Variants in NCOA2 observed in about 807,000 individuals in gnomAD.
NCOA2 encodes nuclear receptor coactivator 2, also known as class E basic helix-loop-helix protein 75.
Under a neutral mutation model 145.1 loss-of-function variants are expected in NCOA2, and 21 were observed. That is an observed-to-expected ratio of 0.14 (90% CI 0.10 to 0.21). The LOEUF is 0.21. NCOA2 is among the 10% of genes least tolerant of loss of function. The pLI, the probability that NCOA2 is intolerant of heterozygous loss-of-function variation, is 1.00. For missense variants in NCOA2, 1,472 were observed against 1,837.6 expected, an observed-to-expected ratio of 0.80 and a Z score of 3.64; for synonymous variants, 619 against 637.5, an observed-to-expected ratio of 0.97 and a Z score of 0.44.
chr8:70,332,538 A>G (rs1325153180), intron 1 of NCOA2, among the ~76,000 whole-genome samples: 1 of 152,182 alleles, frequency 6.6e-6, no homozygotes, highest in Non-Finnish European at 1.5e-5. Context: ...TGACTATTTT[A>G]GTCATAAATT....
intron 2 of NCOA2, among the ~76,000 whole-genome samples, chr8:70,233,158 G>A (rs1821297005): frequency 1.3e-5 from 2 of 151,900 alleles, no homozygotes; most frequent in Middle Eastern, 6.8e-3. Context: ...CCCAGGAGGC[G>A]GAGGTTGCAG....
At chr8:70,305,742 TTTTC>T (rs1827840803) in intron 1 of NCOA2, among the ~76,000 whole-genome samples, 1 of 152,220 alleles carries the variant, frequency 6.6e-6, no homozygotes, top group Non-Finnish European at 1.5e-5. Flanking sequence ...AATAAGTTTA[TTTTC>T]TTTGACTCAA....
At chr8:70,248,936 T>C (rs566618109) in intron 2 of NCOA2, among the ~76,000 whole-genome samples, 1 of 151,980 alleles carries the variant, frequency 6.6e-6, no homozygotes, top group East Asian at 1.9e-4. Context: ...ATTCTCCTAT[T>C]GGTAGACATT....
At chr8:70,446,868 C>G in the NCOA2 span, among the ~76,000 whole-genome samples, 62,009 of 152,014 alleles carry the variant, frequency 0.41, 13,658 homozygotes, top group Middle Eastern at 0.59. Context: ...ATGTTCACCC[C>G]AAACTATGCA....
At chr8:70,268,583 T>C (rs914500975) in intron 2 of NCOA2, among the ~76,000 whole-genome samples, 1 of 152,224 alleles carries the variant, frequency 6.6e-6, no homozygotes, top group African/African-American at 2.4e-5. Context: ...CTTAAGATTA[T>C]AGGCTCTTGT....
chr8:70,393,651 A>G (rs1357564219), intron 1 of NCOA2, among the ~76,000 whole-genome samples: 3 of 152,264 alleles, frequency 2.0e-5, no homozygotes, highest in East Asian at 1.9e-4. Context: ...ATGTAGGGCC[A>G]GGCCAGGTGT....
At chr8:70,392,654 T>C (rs907070427) in intron 1 of NCOA2, among the ~76,000 whole-genome samples, 2 of 152,172 alleles carry the variant, frequency 1.3e-5, no homozygotes, top group African/African-American at 2.4e-5. Context: ...CCTGGTATAC[T>C]TTCTTTGTAT....
chr8:70,332,166 C>T (rs557055709), intron 1 of NCOA2, among the ~76,000 whole-genome samples: 22 of 152,216 alleles, frequency 1.4e-4, no homozygotes, highest in African/African-American at 5.3e-4. Context: ...TTGCTTGTAG[C>T]TAAAACTGGA....
intron 1 of NCOA2, among the ~76,000 whole-genome samples, chr8:70,325,564 A>T (rs1467880175): frequency 1.3e-5 from 2 of 151,720 alleles, no homozygotes; most frequent in Non-Finnish European, 2.9e-5. Flanking sequence ...GGTGCACATC[A>T]CCACACTCAG....
chr8:70,273,389 A>G (rs943214704), intron 2 of NCOA2: 5 of 741,074 alleles, frequency 6.7e-6, no homozygotes, highest in Non-Finnish European at 1.0e-5. Flanking sequence ...AGAAACAATC[A>G]TGAACCAGGA....
chr8:70,114,502 A>G (rs967780202), intron 22 of NCOA2, among the ~76,000 whole-genome samples: 1 of 152,246 alleles, frequency 6.6e-6, no homozygotes, highest in Non-Finnish European at 1.5e-5. Context: ...TCATTCACTT[A>G]GCAAATATTA....
chr8:70,349,693 A>G (rs1808992411), intron 1 of NCOA2, among the ~76,000 whole-genome samples: 1 of 152,110 alleles, frequency 6.6e-6, no homozygotes, highest in African/African-American at 2.4e-5. Flanking sequence ...GAAGATCTTC[A>G]TGTCATTTTT....
intron 11 of NCOA2, among the ~76,000 whole-genome samples, chr8:70,150,355 A>G (rs1811601790): frequency 6.6e-6 from 1 of 152,248 alleles, no homozygotes; most frequent in Non-Finnish European, 1.5e-5. Context: ...TATCTCCTCC[A>G]ACAGCAACAG....
intron 1 of NCOA2, among the ~76,000 whole-genome samples, chr8:70,395,296 C>G (rs1488200162): frequency 1.3e-5 from 2 of 152,172 alleles, no homozygotes; most frequent in African/African-American, 2.4e-5. Context: ...TGGTCAGCTA[C>G]TGGAGTCTGG....
intron 1 of NCOA2, among the ~76,000 whole-genome samples, chr8:70,312,432 T>G (rs572571969): frequency 6.6e-6 from 1 of 152,330 alleles, no homozygotes; most frequent in African/African-American, 2.4e-5. Flanking sequence ...AAATTAAGAT[T>G]TGGAATATTT....
chr8:70,332,131 G>A (rs1299569106), intron 1 of NCOA2, among the ~76,000 whole-genome samples: 1 of 152,176 alleles, frequency 6.6e-6, no homozygotes, highest in Non-Finnish European at 1.5e-5. Context: ...TGAATTAGAA[G>A]TGGTTGGGGA....
At chr8:70,402,144 G>T (rs1026818140) in intron 1 of NCOA2, 1 of 152,464 alleles carries the variant, frequency 6.6e-6, no homozygotes, top group African/African-American at 2.4e-5. Context: ...CCTTCCTCCG[G>T]TCCGCACGAT....
At chr8:70,316,973 A>C (rs535194176) in intron 1 of NCOA2, among the ~76,000 whole-genome samples, 1 of 152,150 alleles carries the variant, frequency 6.6e-6, no homozygotes, top group East Asian at 1.9e-4. Flanking sequence ...TAAGTTCCTC[A>C]CGGTTCAGAC....
At chr8:70,141,788 A>ATGAT (rs1201008703) in intron 13 of NCOA2, among the ~76,000 whole-genome samples, 1 of 152,200 alleles carries the variant, frequency 6.6e-6, no homozygotes, top group African/African-American at 2.4e-5. Flanking sequence ...GTAAAAACTG[A>ATGAT]TAATCAATAC....
Sources: allele counts gnomAD v4.1 joint callset (sites outside exome capture counted in the v4.1 genomes callset), GRCh38; gene constraint gnomAD v4.1.1; transcripts MANE v1.5; gene names NCBI Gene and HGNC (gene_info 2026-07-23, HGNC 2026-07-21).